The following PRR16 variants were observed in gnomAD, a reference collection of about 807,000 sequenced individuals.
PRR16 encodes the protein proline rich 16.
A neutral mutation model predicts 18.2 loss-of-function variants in PRR16; 6 were observed. The ratio of observed to expected loss-of-function variants is 0.33; its 90% CI spans 0.18 to 0.65. The LOEUF is 0.65. Ranked by LOEUF, PRR16 falls within the 30% of genes least tolerant of loss-of-function variation. The pLI, the probability that PRR16 is intolerant of heterozygous loss-of-function variation, is 0.74. For missense variants in PRR16, 412 were observed against 376.6 expected, an observed-to-expected ratio of 1.09 and a Z score of -0.78; for synonymous variants, 151 against 147.8, an observed-to-expected ratio of 1.02 and a Z score of -0.16.
At chr5:120,605,530 C>G (rs772973242) in intron 1 of PRR16, among the ~76,000 whole-genome samples, 7 of 152,090 alleles carry the variant, frequency 4.6e-5, no homozygotes, top group African/African-American at 7.2e-5. Flanking sequence ...TCAGCCATTT[C>G]CATCTGGTTA....
the PRR16 span, among the ~76,000 whole-genome samples, chr5:120,770,047 T>C: frequency 2.0e-5 from 3 of 152,012 alleles, no homozygotes; most frequent in Non-Finnish European, 2.9e-5. Context: ...CATTTTTAAA[T>C]TGGGTTATTG....
intron 1 of PRR16, among the ~76,000 whole-genome samples, chr5:120,541,707 A>G (rs1751921549): frequency 6.6e-6 from 1 of 152,100 alleles, no homozygotes; most frequent in Non-Finnish European, 1.5e-5. Flanking sequence ...TTCTTTTTTT[A>G]TAATGAAAGT....
chr5:120,492,103 T>C (rs1199108808), intron 1 of PRR16, among the ~76,000 whole-genome samples: 1 of 146,864 alleles, frequency 6.8e-6, no homozygotes, highest in Non-Finnish European at 1.5e-5. Context: ...TTTTTTTTTT[T>C]TTGAGACAGC....
chr5:120,543,273 G>GT (rs1751972921), intron 1 of PRR16, among the ~76,000 whole-genome samples: 1 of 152,104 alleles, frequency 6.6e-6, no homozygotes, highest in South Asian at 2.1e-4. Context: ...CTTAATAGGT[G>GT]TTTAAGAATT....
At chr5:120,741,630 C>G in the PRR16 span, among the ~76,000 whole-genome samples, 2 of 152,064 alleles carry the variant, frequency 1.3e-5, no homozygotes, top group South Asian at 2.1e-4. Context: ...TTGACAGTAT[C>G]TCGCTCTGTT....
chr5:120,578,084 A>C (rs1171460741), intron 1 of PRR16, among the ~76,000 whole-genome samples: 1 of 152,190 alleles, frequency 6.6e-6, no homozygotes, highest in Non-Finnish European at 1.5e-5. Flanking sequence ...GAAAAATAAC[A>C]GAAAATAGAA....
At chr5:120,607,845 A>T (rs999225254) in intron 1 of PRR16, among the ~76,000 whole-genome samples, 1 of 151,466 alleles carries the variant, frequency 6.6e-6, no homozygotes, top group Non-Finnish European at 1.5e-5. Flanking sequence ...TATATACCTG[A>T]CACATTCTAA....
chr5:120,628,603 T>G (rs13180999), intron 1 of PRR16, among the ~76,000 whole-genome samples: 1 of 152,062 alleles, frequency 6.6e-6, no homozygotes, highest in African/African-American at 2.4e-5. Context: ...TTTGTATCTT[T>G]TATTTTTTGT....
At chr5:120,652,579 T>C (rs1364932260) in intron 1 of PRR16, among the ~76,000 whole-genome samples, 1 of 151,968 alleles carries the variant, frequency 6.6e-6, no homozygotes, top group Non-Finnish European at 1.5e-5. Flanking sequence ...ATTTCCTTAG[T>C]CTAACCATAA....
chr5:120,700,186 C>A, the PRR16 span, among the ~76,000 whole-genome samples: 1 of 152,136 alleles, frequency 6.6e-6, no homozygotes. Context: ...GGCGCAGATC[C>A]TGAACTAACT....
intron 1 of PRR16, among the ~76,000 whole-genome samples, chr5:120,639,744 G>A (rs1755359538): frequency 6.6e-6 from 1 of 151,512 alleles, no homozygotes; most frequent in Non-Finnish European, 1.5e-5. Context: ...GGTTCTCAAA[G>A]AACTTAAAAC....
chr5:120,561,739 C>T (rs958067302), intron 1 of PRR16, among the ~76,000 whole-genome samples: 1 of 152,050 alleles, frequency 6.6e-6, no homozygotes, highest in Admixed American at 6.6e-5. Context: ...GGTGGTTTCT[C>T]CCATACTATT....
chr5:120,536,474 GAC>G (rs1751719471), intron 1 of PRR16, among the ~76,000 whole-genome samples: 2 of 152,016 alleles, frequency 1.3e-5, no homozygotes, highest in Admixed American at 6.6e-5. Flanking sequence ...CTAGTTCAAA[GAC>G]TCCTACAGAT....
intron 1 of PRR16, among the ~76,000 whole-genome samples, chr5:120,535,397 T>G (rs569946139): frequency 6.6e-6 from 1 of 152,348 alleles, no homozygotes; most frequent in African/African-American, 2.4e-5. Flanking sequence ...ACATTGATAG[T>G]AATTTGTATA....
intron 1 of PRR16, among the ~76,000 whole-genome samples, chr5:120,587,920 A>G (rs1753502287): frequency 6.6e-6 from 1 of 152,204 alleles, no homozygotes; most frequent in Admixed American, 6.5e-5. Context: ...ATTCACCATT[A>G]TAGATGCCAT....
chr5:120,544,214 A>C (rs1752003543), intron 1 of PRR16, among the ~76,000 whole-genome samples: 1 of 152,180 alleles, frequency 6.6e-6, no homozygotes, highest in Non-Finnish European at 1.5e-5. Context: ...GTTATTACTC[A>C]GCTGCTAGGG....
the PRR16 span, among the ~76,000 whole-genome samples, chr5:120,740,390 TC>T: frequency 0.14 from 20,805 of 152,204 alleles, 2,032 homozygotes; most frequent in African/African-American, 0.28. Context: ...AAAGACTACT[TC>T]CATGTGAAAC....
the PRR16 span, among the ~76,000 whole-genome samples, chr5:120,696,155 T>C: frequency 6.6e-6 from 1 of 151,988 alleles, no homozygotes; most frequent in Non-Finnish European, 1.5e-5. Flanking sequence ...GGCAGGAGGA[T>C]AGTGTGAACC....
At chr5:120,750,883 A>G in the PRR16 span, among the ~76,000 whole-genome samples, 1 of 152,130 alleles carries the variant, frequency 6.6e-6, no homozygotes, top group Admixed American at 6.5e-5. Context: ...TGGTCACAGT[A>G]TTGTGTTGCT....
Sources: allele counts gnomAD v4.1 joint callset (sites outside exome capture counted in the v4.1 genomes callset), GRCh38; gene constraint gnomAD v4.1.1; transcripts MANE v1.5; gene names NCBI Gene and HGNC (gene_info 2026-07-23, HGNC 2026-07-21).